The following KTN1 variants were observed in gnomAD, a reference collection of about 807,000 sequenced individuals.
KTN1 encodes the protein kinectin 1, also known as kinectin.
Under a neutral mutation model 222.5 loss-of-function variants are expected in KTN1, and 130 were observed. The observed-to-expected ratio is 0.58, with a 90% CI of 0.51 to 0.68. KTN1 has a LOEUF of 0.68. KTN1 is among the 30% of genes least tolerant of loss of function. The pLI is 0.00. For missense variants in KTN1, 1,508 were observed against 1,500.4 expected, an observed-to-expected ratio of 1.01 and a Z score of -0.08; for synonymous variants, 512 against 496.3, an observed-to-expected ratio of 1.03 and a Z score of -0.42.
intron 10 of KTN1, 32 bp from the exon 11 acceptor site, chr14:55,637,166 A>AGACCTCT (rs1429128810): frequency 6.6e-7 from 1 of 1,513,322 alleles, no homozygotes; most frequent in Non-Finnish European, 9.0e-7. Flanking sequence ...GCAAAGAAAG[A>AGACCTCT]GACCTCTGTA....
At chr14:55,597,809 G>A (rs1255106922) in intron 1 of KTN1, among the ~76,000 whole-genome samples, 9 of 151,788 alleles carry the variant, frequency 5.9e-5, no homozygotes. Context: ...AGCTGAGATC[G>A]TGCCACTGCA....
At chr14:55,616,118 A>AT (rs1348498671) in intron 2 of KTN1, among the ~76,000 whole-genome samples, 5 of 151,920 alleles carry the variant, frequency 3.3e-5, no homozygotes, top group Non-Finnish European at 5.9e-5. Flanking sequence ...TTTTGTAGAG[A>AT]TGAGGTTTCA....
chr14:55,583,221 G>C (rs2032138577), intron 1 of KTN1, among the ~76,000 whole-genome samples: 1 of 152,142 alleles, frequency 6.6e-6, no homozygotes, highest in South Asian at 2.1e-4. Context: ...TGTGTGCCGA[G>C]CTGTTGTGCT....
At chr14:55,651,295 T>C (rs1393893161) in intron 24 of KTN1, 2 of 455,774 alleles carry the variant, frequency 4.4e-6, no homozygotes, top group African/African-American at 4.0e-5. Flanking sequence ...AGATTGAGAG[T>C]TCAGGAAAGT....
At chr14:55,619,483 C>T (rs771536601) in intron 5 of KTN1, among the ~76,000 whole-genome samples, 171 bp downstream of exon 5, 6 of 151,898 alleles carry the variant, frequency 4.0e-5, no homozygotes, top group South Asian at 2.1e-4. Context: ...GTTTTCATGC[C>T]GCTGATAAAG....
At chr14:55,655,817 G>C (rs936385064) in intron 28 of KTN1, among the ~76,000 whole-genome samples, 2 of 152,078 alleles carry the variant, frequency 1.3e-5, no homozygotes, top group Non-Finnish European at 2.9e-5. Flanking sequence ...TTGTTTTAGA[G>C]TTTCTTCCTA....
chr14:55,646,773 C>G (rs2042408679), intron 18 of KTN1, among the ~76,000 whole-genome samples, 200 bp from the exon 19 acceptor site: 2 of 151,782 alleles, frequency 1.3e-5, no homozygotes, highest in African/African-American at 4.8e-5. Context: ...GCTACTTTTT[C>G]TGTGTCTCTT....
At chr14:55,667,197 T>G (rs1377813774) in intron 33 of KTN1, 44 bp from the exon 34 acceptor site, 1 of 1,143,346 alleles carries the variant, frequency 8.7e-7, no homozygotes. Context: ...TTTAAAAACA[T>G]TCTGTGATCT....
chr14:55,633,944 G>A lies in KTN1; in HGVS notation c.1329-582G>A, dbSNP rs1312880550. The stretch of plus-strand genomic sequence containing the variant: ...ACCTGAGGTCAGGAGTTCGAGACCA[G>A]CCTGGCCAACGTGGTGAAACCCCTG... On this transcript the variant is annotated intron_variant, in intron 8 of 43. Coordinates refer to ENST00000395314, the MANE Select transcript of KTN1 (RefSeq NM_001079521.2). Among the ~76,000 whole-genome samples the A allele has an allele frequency of 2.0e-5, 3 of 152,082 alleles. No homozygotes were observed. In the East Asian group the frequency reaches 5.8e-4, roughly 29 times the overall value.
At chr14:55,591,619 G>C (rs1439092375) in intron 1 of KTN1, among the ~76,000 whole-genome samples, 1 of 75,510 alleles carries the variant, frequency 1.3e-5, no homozygotes. Flanking sequence ...ACGGAATTTT[G>C]CTCTTGTCGC....
intron 1 of KTN1, among the ~76,000 whole-genome samples, chr14:55,598,434 C>CA (rs555607541): frequency 0.03 from 1,704 of 57,326 alleles, 21 homozygotes; most frequent in African/African-American, 0.064. Flanking sequence ...GACTCCATCT[C>CA]AAAAAAAAAA....
intron 12 of KTN1, 116 bp downstream of exon 12, chr14:55,637,963 C>A: frequency 1.4e-6 from 1 of 707,842 alleles, no homozygotes; most frequent in Non-Finnish European, 2.4e-6. Flanking sequence ...GTCAATGAAT[C>A]AACAAATGAT....
intron 1 of KTN1, among the ~76,000 whole-genome samples, chr14:55,584,369 T>G (rs2032468524): frequency 6.6e-6 from 1 of 152,188 alleles, no homozygotes; most frequent in Admixed American, 6.5e-5. Context: ...AGAAGTTGTG[T>G]AATAGTGTAT....
At chr14:55,619,036 T>C (rs997011899) in intron 4 of KTN1, 146 bp from the exon 5 acceptor site, 2 of 607,228 alleles carry the variant, frequency 3.3e-6, no homozygotes, top group Admixed American at 3.0e-5. Flanking sequence ...CTGGAGTATT[T>C]GTTTTATTTA....
chr14:55,582,129 T>A (rs2031813963), intron 1 of KTN1, among the ~76,000 whole-genome samples: 1 of 152,104 alleles, frequency 6.6e-6, no homozygotes, highest in Admixed American at 6.5e-5. Flanking sequence ...TATTGAAAAA[T>A]TTTCTTAATA....
At chr14:55,657,861 T>C (rs10145874) in intron 29 of KTN1, among the ~76,000 whole-genome samples, 15,339 of 151,706 alleles carry the variant, frequency 0.1, 852 homozygotes, top group African/African-American at 0.14. Flanking sequence ...CTGCAGTGAG[T>C]TAAGATCACA....
At position 55,639,178 on chromosome 14, in the gene KTN1, T is replaced by A; in HGVS notation, c.1786-7T>A. 1 of 1,592,996 alleles carries A rather than the reference T, an allele frequency of 6.3e-7. No homozygotes were observed. Among genetic ancestry groups the A allele is most frequent in the Non-Finnish European group, 8.6e-7 (1 of 1,161,496 alleles). ...ACTTTTATGTTGACACTATTTTTCT[T>A]TCTTAGACCTCCGCTTCAGTTCTAG... is the stretch of plus-strand genomic sequence containing the variant. On this transcript the variant is annotated splice_region_variant and splice_polypyrimidine_tract_variant and intron_variant, in intron 12 of 43. Coordinates refer to ENST00000395314, the MANE Select transcript of KTN1 (RefSeq NM_001079521.2).
At chr14:55,651,957 CT>C (rs775545120) in intron 25 of KTN1, 30 bp downstream of exon 25, 1 of 1,414,808 alleles carries the variant, frequency 7.1e-7, no homozygotes, top group African/African-American at 1.4e-5. Flanking sequence ...TTTCCTTTTA[CT>C]ATTTCTTTTT....
chr14:55,670,585 C>G (rs1285046456), intron 34 of KTN1, 144 bp from the exon 35 acceptor site: 1 of 559,716 alleles, frequency 1.8e-6, no homozygotes, highest in Non-Finnish European at 3.1e-6. Context: ...TTACATTCCT[C>G]TTTGAAATTT....
Sources: allele counts gnomAD v4.1 joint callset (sites outside exome capture counted in the v4.1 genomes callset), GRCh38; gene constraint gnomAD v4.1.1; transcripts MANE v1.5; gene names NCBI Gene and HGNC (gene_info 2026-07-23, HGNC 2026-07-21).